PRKCH: variants seen among roughly 807,000 people sequenced by gnomAD.
PRKCH encodes protein kinase C eta type.
Under a neutral mutation model 82.5 loss-of-function variants are expected in PRKCH, and 28 were observed. That is an observed-to-expected ratio of 0.34 (90% confidence interval 0.25 to 0.47). The LOEUF is 0.47. Among genes scored for constraint, PRKCH ranks in the 20% least tolerant of loss-of-function variants. The pLI is 1.00. For synonymous variants in PRKCH, 322 were observed against 327.4 expected, an observed-to-expected ratio of 0.98 and a Z score of 0.18; for missense variants, 705 against 881.8, an observed-to-expected ratio of 0.80 and a Z score of 2.54.
In PRKCH at chr14:61,188,704, A is replaced by AGTGTGTGTGTGTGTGTGT. The variant is rs754540967; in HGVS notation, c.-19+1054_-19+1071dup. On this transcript the variant is annotated intron_variant, in intron 1 of 3. Coordinates refer to the PRKCH transcript ENST00000555185. The stretch of plus-strand genomic sequence containing the variant: ...CCTCCTCACCCCCAGACGTTGCTGT[A>AGTGTGTGTGTGTGTGTGT]GTGTGTGTGTGTGTGTGTGTGTGTG... 8.3e-3 allele frequency among the ~76,000 whole-genome samples: 722 copies of AGTGTGTGTGTGTGTGTGT among 87,332 alleles called. 49 individuals carry two copies. The highest frequency in any genetic ancestry group is 0.018 in the Admixed American group (136 of 7,726). 57.3% of individuals were successfully genotyped at this position (87,332 alleles called of 152,430 possible).
chr14:61,501,959 T>G (rs536609250), intron 10 of PRKCH, among the ~76,000 whole-genome samples: 20 of 152,164 alleles, frequency 1.3e-4, no homozygotes, highest in Non-Finnish European at 2.5e-4. Context: ...GTATATTATC[T>G]ACCTGAAGAA....
In PRKCH at chr14:61,406,800, C is replaced by T. The variant is rs114790688; in HGVS notation, c.427+15512C>T. 6.4e-3 allele frequency among the ~76,000 whole-genome samples: 977 copies of T among 152,142 alleles called. 12 individuals carry two copies. The highest frequency in any genetic ancestry group is 0.022 in the African/African-American group (920 of 41,494). Reference sequence around the variant, plus strand: ...CACGCTGACTTTCTCAGCATTGTGCCGAGCAGAGTTATTTTTGCAAAAAGG... The same window carrying T: ...CACGCTGACTTTCTCAGCATTGTGCTGAGCAGAGTTATTTTTGCAAAAAGG... On this transcript the variant is annotated intron_variant, in intron 2 of 13. Coordinates refer to ENST00000332981, the MANE Select transcript of PRKCH (RefSeq NM_006255.5).
chr14:61,428,096 CATATATATAT>C lies in PRKCH; in HGVS notation c.428-15013_428-15004del, dbSNP rs1555386082. Among the ~76,000 whole-genome samples, 136 of 105,480 alleles carry C rather than the reference CATATATATAT, an allele frequency of 1.3e-3. 2 individuals are homozygous for C. The highest frequency in any genetic ancestry group is 1.1e-3 in the Non-Finnish European group (53 of 49,978). 69.2% of individuals were successfully genotyped at this position (105,480 alleles called of 152,430 possible). A position where few individuals can be genotyped will look rare whatever the true frequency, so the allele number is the denominator to read the frequency against. ...ATAGATACACACACACACACACACACATATATATATACACACATATATATATATATATATA... is the reference window on the plus strand; with the variant it reads ...ATAGATACACACACACACACACACACACACACATATATATATATATATATA... On this transcript the variant is annotated intron_variant, in intron 2 of 13. Transcript: ENST00000332981.
Position 61,470,082 on chromosome 14 carries a change from G to A in PRKCH, c.1278+12403G>A, listed in dbSNP as rs3783789. On this transcript the variant is annotated intron_variant, in intron 9 of 13. Coordinates refer to ENST00000332981, the MANE Select transcript of PRKCH (RefSeq NM_006255.5). Reference sequence around the variant, plus strand: ...TTTCCTTTCAGACAGGCTCAGAGCCGTCATCTGCTTGAAGAGTCTGGGGGG... The same window carrying A: ...TTTCCTTTCAGACAGGCTCAGAGCCATCATCTGCTTGAAGAGTCTGGGGGG... 0.019 allele frequency among the ~76,000 whole-genome samples: 2,886 copies of A among 151,114 alleles called. 189 individuals carry two copies. In the East Asian group the frequency reaches 0.26, roughly 14 times the overall value.
intron 12 of PRKCH, among the ~76,000 whole-genome samples, chr14:61,533,853 T>C (rs1176160222): frequency 6.6e-6 from 1 of 152,246 alleles, no homozygotes; most frequent in Non-Finnish European, 1.5e-5. Context: ...CCCTTATCTC[T>C]GAAAAAGTAT....
intron 2 of PRKCH, among the ~76,000 whole-genome samples, chr14:61,430,912 G>A (rs897310434): frequency 6.6e-6 from 1 of 152,066 alleles, no homozygotes; most frequent in Non-Finnish European, 1.5e-5. Context: ...GTGCCACCAC[G>A]CCTGGCTAAT....
intron 1 of PRKCH, chr14:61,279,111 A>T (rs2045232220): frequency 6.6e-6 from 1 of 152,096 alleles, no homozygotes; most frequent in African/African-American, 2.4e-5. Flanking sequence ...ACGTTAAAGC[A>T]TTTCCTCTGA....
chr14:61,252,333 C>A (rs1398052526), intron 1 of PRKCH, among the ~76,000 whole-genome samples: 1 of 152,222 alleles, frequency 6.6e-6, no homozygotes, highest in African/African-American at 2.4e-5. Context: ...AAGACCGTGA[C>A]TTTCTCCAGC....
intron 10 of PRKCH, among the ~76,000 whole-genome samples, chr14:61,504,818 A>C (rs1887068055): frequency 6.6e-6 from 1 of 152,158 alleles, no homozygotes; most frequent in Non-Finnish European, 1.5e-5. Context: ...ATGAGATGTT[A>C]ATATATTTAC....
intron 1 of PRKCH, chr14:61,279,617 G>T (rs552418706): frequency 6.5e-6 from 1 of 154,604 alleles, no homozygotes; most frequent in South Asian, 2.0e-4. Flanking sequence ...TAATTTGTGG[G>T]CCTCACTCTC....
intron 1 of PRKCH, among the ~76,000 whole-genome samples, chr14:61,345,310 TATGTAGGTTTTA>T (rs1265937130): frequency 6.6e-6 from 1 of 152,186 alleles, no homozygotes; most frequent in Non-Finnish European, 1.5e-5. Context: ...TTTTCCAGAC[TATGTAGGTTTTA>T]GACTTCAAGT....
chr14:61,350,239 A>C (rs572134135), intron 1 of PRKCH, among the ~76,000 whole-genome samples: 3 of 152,204 alleles, frequency 2.0e-5, no homozygotes, highest in African/African-American at 7.2e-5. Flanking sequence ...GCATGTGTAC[A>C]TTTAAGATTT....
intron 1 of PRKCH, among the ~76,000 whole-genome samples, chr14:61,228,577 G>A (rs1242750888): frequency 6.6e-6 from 1 of 151,446 alleles, no homozygotes; most frequent in Non-Finnish European, 1.5e-5. Flanking sequence ...TATCATACCA[G>A]TCTGATAGCA....
At chr14:61,465,464 C>A (rs1161818342) in intron 9 of PRKCH, among the ~76,000 whole-genome samples, 1 of 151,984 alleles carries the variant, frequency 6.6e-6, no homozygotes, top group Non-Finnish European at 1.5e-5. Context: ...TTTTCAACAC[C>A]ATTTATTGAA....
chr14:61,363,984 ATG>A (rs35878795), intron 1 of PRKCH, among the ~76,000 whole-genome samples: 29 of 145,358 alleles, frequency 2.0e-4, no homozygotes, highest in Non-Finnish European at 4.2e-4. Flanking sequence ...GTGTGTGTAT[ATG>A]TGTGTGTGTA....
At chr14:61,433,939 C>T (rs1883547427) in intron 2 of PRKCH, among the ~76,000 whole-genome samples, 1 of 152,314 alleles carries the variant, frequency 6.6e-6, no homozygotes, top group Non-Finnish European at 1.5e-5. Context: ...GTACCACTTA[C>T]ATTTTCCATA....
intron 10 of PRKCH, among the ~76,000 whole-genome samples, chr14:61,495,520 A>G (rs8007095): frequency 0.035 from 5,402 of 152,330 alleles, 296 homozygotes; most frequent in African/African-American, 0.12. Context: ...AATGAACACA[A>G]CCATTTGTAA....
intron 10 of PRKCH, among the ~76,000 whole-genome samples, chr14:61,489,577 C>T (rs548341059): frequency 1.3e-5 from 2 of 152,312 alleles, no homozygotes; most frequent in South Asian, 2.1e-4. Context: ...TGCCTCTCTG[C>T]CTTTGGTTGG....
intron 10 of PRKCH, among the ~76,000 whole-genome samples, chr14:61,504,728 A>G (rs187533536): frequency 1.3e-5 from 2 of 152,310 alleles, no homozygotes; most frequent in East Asian, 1.9e-4. Flanking sequence ...TTATTTTTTA[A>G]CATCAGTCAC....
Sources: allele counts gnomAD v4.1 joint callset (sites outside exome capture counted in the v4.1 genomes callset), GRCh38; gene constraint gnomAD v4.1.1; transcripts MANE v1.5; gene names NCBI Gene and HGNC (gene_info 2026-07-23, HGNC 2026-07-21).